Variants in CTIF observed in about 807,000 individuals in gnomAD.
CTIF encodes the protein cap binding complex dependent translation initiation factor.
In CTIF, 21 loss-of-function variants were observed where a neutral mutation model predicts 66.0. The ratio of observed to expected loss-of-function variants is 0.32; its 90% CI spans 0.23 to 0.46. CTIF has a LOEUF of 0.46. CTIF is among the 20% of genes least tolerant of loss of function. CTIF has a pLI of 1.00. For missense variants in CTIF, 739 were observed against 812.7 expected, an observed-to-expected ratio of 0.91 and a Z score of 1.10; for synonymous variants, 345 against 326.4, an observed-to-expected ratio of 1.06 and a Z score of -0.62.
intron 1 of CTIF, among the ~76,000 whole-genome samples, chr18:48,587,613 C>T (rs1272899696): frequency 6.6e-6 from 1 of 152,132 alleles, no homozygotes; most frequent in Non-Finnish European, 1.5e-5. Flanking sequence ...TGACTGTGGG[C>T]AAGCCAGCTT....
chr18:48,550,603 G>T (rs12456253), intron 1 of CTIF, among the ~76,000 whole-genome samples: 94,491 of 152,030 alleles, frequency 0.62, 30,858 homozygotes, highest in East Asian at 0.92. Context: ...TCTGCTCAGG[G>T]TGTCACTGTG....
intron 6 of CTIF, among the ~76,000 whole-genome samples, chr18:48,687,869 G>T (rs538053817): frequency 6.6e-6 from 1 of 152,256 alleles, no homozygotes; most frequent in East Asian, 1.9e-4. Flanking sequence ...AAGAAATGTG[G>T]CCCCCACCCC....
At chr18:48,807,348 A>C (rs7230736) in intron 9 of CTIF, among the ~76,000 whole-genome samples, 21,406 of 152,128 alleles carry the variant, frequency 0.14, 1,563 homozygotes, top group Admixed American at 0.19. Context: ...AGAAACATTC[A>C]CAGAGAATCA....
intron 9 of CTIF, among the ~76,000 whole-genome samples, chr18:48,772,691 T>C (rs1372745681): frequency 6.6e-6 from 1 of 152,258 alleles, no homozygotes; most frequent in Non-Finnish European, 1.5e-5. Context: ...CTGACTAATA[T>C]TCCATTTTAT....
At chr18:48,823,976 C>CCACA (rs35554666) in intron 10 of CTIF, among the ~76,000 whole-genome samples, 1,484 of 124,210 alleles carry the variant, frequency 0.012, 17 homozygotes, top group African/African-American at 0.027. Context: ...CCTAAAGACT[C>CCACA]CACACACACA....
chr18:48,588,163 T>G (rs1042586973), intron 1 of CTIF, among the ~76,000 whole-genome samples: 1 of 152,192 alleles, frequency 6.6e-6, no homozygotes, highest in Non-Finnish European at 1.5e-5. Context: ...GGCAGCTCCA[T>G]GGGCATTCTT....
At chr18:48,711,788 A>T (rs1194635999) in intron 7 of CTIF, 93 bp downstream of exon 7, 1 of 1,069,010 alleles carries the variant, frequency 9.4e-7, no homozygotes, top group Admixed American at 1.7e-5. Flanking sequence ...CGCTTTTCCC[A>T]GTCACCAGCT....
At chr18:48,737,613 A>G (rs996074959) in intron 7 of CTIF, among the ~76,000 whole-genome samples, 1 of 150,728 alleles carries the variant, frequency 6.6e-6, no homozygotes, top group Admixed American at 6.6e-5. Flanking sequence ...TACTAATGTT[A>G]ACTGAAAAAA....
chr18:48,741,282 C>T lies in CTIF; in HGVS notation c.585-16637C>T, dbSNP rs972389604. Among the ~76,000 whole-genome samples the T allele has an allele frequency of 6.0e-4, 89 of 148,860 alleles. 3 individuals carry two copies. The highest frequency in any genetic ancestry group is 4.7e-3 in the South Asian group (21 of 4,436). On this transcript the variant is annotated intron_variant, in intron 7 of 11. Transcript: ENST00000256413. Reference sequence around the variant, plus strand: ...GGTCTGCTCTTTACTCTGCCCCCGCCCCCCCTCCTTGGTACATGTTGCCAG... The same window carrying T: ...GGTCTGCTCTTTACTCTGCCCCCGCTCCCCCTCCTTGGTACATGTTGCCAG...
chr18:48,635,319 TTTTC>T (rs1289722454), intron 2 of CTIF, among the ~76,000 whole-genome samples: 7 of 126,616 alleles, frequency 5.5e-5, no homozygotes, highest in East Asian at 2.1e-4. Flanking sequence ...TTCTTTTTCT[TTTTC>T]TTTCTTTTTT....
intron 9 of CTIF, among the ~76,000 whole-genome samples, chr18:48,763,353 C>T (rs1163898715): frequency 2.6e-5 from 4 of 152,212 alleles, no homozygotes; most frequent in Non-Finnish European, 4.4e-5. Flanking sequence ...TCCAACCTGC[C>T]GTGGTAAGGG....
intron 10 of CTIF, chr18:48,826,104 C>T (rs948272298): frequency 6.6e-6 from 1 of 152,156 alleles, no homozygotes; most frequent in Admixed American, 6.5e-5. Flanking sequence ...TTTGAAACCT[C>T]GATTTTCTTA....
chr18:48,619,713 G>A lies in CTIF; in HGVS notation c.148G>A (p.Glu50Lys), dbSNP rs200527848. Residue 50 changes from glutamate to lysine, a missense_variant, in exon 2 of 12, where the codon GAG becomes AAG. Physicochemically the swap from Glu to Lys is moderately conservative, Grantham distance 56. Around this residue, in one of 2 missense-constraint regions of CTIF, gnomAD observed 529 missense variants for 520.3 expected, o/e 1.02. Transcript: ENST00000256413. Reference protein sequence around the residue: ...LLADKTEGDGESERTQSHISQ... With the variant: ...LLADKTEGDGKSERTQSHISQ... ...GGCTGACAAGACGGAGGGTGATGGC[G>A]AGAGCGAGAGGACCCAGTCCCACAT... 543 of 1,604,850 alleles carry A rather than the reference G, an allele frequency of 3.4e-4. 1 individual carries two copies. Among genetic ancestry groups the A allele is most frequent in the East Asian group, 2.2e-5 (1 of 44,488 alleles).
At chr18:48,697,469 A>G (rs1391053068) in intron 6 of CTIF, among the ~76,000 whole-genome samples, 1 of 152,204 alleles carries the variant, frequency 6.6e-6, no homozygotes, top group African/African-American at 2.4e-5. Flanking sequence ...AGCTGACAGA[A>G]TTTTAGGGGT....
chr18:48,582,311 G>A (rs527659885), intron 1 of CTIF, among the ~76,000 whole-genome samples: 22 of 152,170 alleles, frequency 1.4e-4, no homozygotes, highest in Non-Finnish European at 3.2e-4. Flanking sequence ...CATGGACCAC[G>A]CATGGTGTGG....
intron 3 of CTIF, among the ~76,000 whole-genome samples, chr18:48,648,776 C>T (rs2091100627): frequency 6.6e-6 from 1 of 152,158 alleles, no homozygotes; most frequent in Non-Finnish European, 1.5e-5. Context: ...TATAGAGTCA[C>T]CAATGTAGTC....
intron 1 of CTIF, among the ~76,000 whole-genome samples, chr18:48,582,591 T>C (rs1295492349): frequency 6.6e-6 from 1 of 152,080 alleles, no homozygotes; most frequent in Non-Finnish European, 1.5e-5. Context: ...TGTGCTGTGG[T>C]GCCTGGGCCC....
chr18:48,646,282 C>A (rs908108182), intron 3 of CTIF, among the ~76,000 whole-genome samples: 1 of 152,086 alleles, frequency 6.6e-6, no homozygotes. Context: ...ACGTTTTTCC[C>A]TGAAGGTGAT....
rs185103145 is a variant in CTIF, at chr18:48,694,995, C to T, written c.508-16624C>T. Among the ~76,000 whole-genome samples the T allele has an allele frequency of 1.7e-3, 256 of 152,356 alleles. 1 individual carries two copies. The highest frequency in any genetic ancestry group is 3.1e-3 in the Non-Finnish European group (211 of 68,028). On this transcript the variant is annotated intron_variant, in intron 6 of 11. Coordinates refer to ENST00000256413, the MANE Select transcript of CTIF (RefSeq NM_014772.3). ...TGTAAGACCTTATCCTTTGTCATTT[C>T]TGCAAGTTCCTCATGCTTTTTAAAT...
Sources: allele counts gnomAD v4.1 joint callset (sites outside exome capture counted in the v4.1 genomes callset), GRCh38; gene constraint gnomAD v4.1.1; regional missense constraint gnomAD v4.1.1; transcripts MANE v1.5; gene names NCBI Gene and HGNC (gene_info 2026-07-23, HGNC 2026-07-21).